Variants in UIMC1 observed in about 807,000 individuals in gnomAD.
UIMC1 encodes ubiquitin interaction motif containing 1.
UIMC1 carries 42 observed loss-of-function variants against 84.9 expected under a neutral mutation model. The observed-to-expected ratio is 0.49, with a 90% CI of 0.39 to 0.64. The LOEUF is 0.64. Among genes scored for constraint, UIMC1 ranks in the 30% least tolerant of loss-of-function variants. UIMC1 has a pLI of 0.00. For missense variants in UIMC1, 825 were observed against 847.6 expected (o/e 0.97, Z 0.33); for synonymous variants, 281 against 293.0 (o/e 0.96, Z 0.42).
At chr5:176,958,270 A>G (rs1328685563) in intron 6 of UIMC1, 116 bp from the exon 7 acceptor site, 2 of 810,864 alleles carry the variant, frequency 2.5e-6, no homozygotes, top group African/African-American at 1.7e-5. Flanking sequence ...CAATAAGAAG[A>G]AAATATTTTC....
At chr5:176,936,496 C>T (rs961509076) in intron 10 of UIMC1, among the ~76,000 whole-genome samples, 1 of 152,174 alleles carries the variant, frequency 6.6e-6, no homozygotes, top group African/African-American at 2.4e-5. Context: ...TGATCCTTTG[C>T]TTAAATATTA....
intron 1 of UIMC1, among the ~76,000 whole-genome samples, chr5:177,002,711 T>C (rs892888748): frequency 3.3e-5 from 5 of 152,028 alleles, no homozygotes; most frequent in African/African-American, 9.7e-5. Flanking sequence ...GGCAGGAGAA[T>C]GGCATGAACC....
chr5:176,988,373 A>G (rs1454434452), intron 1 of UIMC1, among the ~76,000 whole-genome samples: 2 of 152,140 alleles, frequency 1.3e-5, no homozygotes, highest in African/African-American at 4.8e-5. Context: ...TACATGCTAC[A>G]ACATGGATGA....
At chr5:176,916,416 G>A (rs1240885274) in intron 10 of UIMC1, among the ~76,000 whole-genome samples, 1 of 152,222 alleles carries the variant, frequency 6.6e-6, no homozygotes, top group Non-Finnish European at 1.5e-5. Context: ...GCTTGGCACT[G>A]TTAAGATACA....
chr5:176,924,908 G>T (rs1762188508), intron 10 of UIMC1, among the ~76,000 whole-genome samples: 1 of 151,740 alleles, frequency 6.6e-6, no homozygotes, highest in Non-Finnish European at 1.5e-5. Flanking sequence ...GCACACATCT[G>T]TAGTCTCAGC....
At chr5:177,010,015 A>T (rs187318038), upstream of UIMC1, among the ~76,000 whole-genome samples, 16 of 152,222 alleles carry the variant, frequency 1.1e-4, 1 homozygote, top group Admixed American at 9.2e-4. Flanking sequence ...AAATTTAAAA[A>T]TAAAAAATTA....
chr5:176,984,879 G>A (rs931072143), intron 1 of UIMC1, among the ~76,000 whole-genome samples: 4 of 152,184 alleles, frequency 2.6e-5, no homozygotes, highest in African/African-American at 9.7e-5. Flanking sequence ...TTGTTAAAAA[G>A]ATGCTTGAAG....
At chr5:177,001,776 A>G (rs966213361) in intron 1 of UIMC1, among the ~76,000 whole-genome samples, 3 of 133,442 alleles carry the variant, frequency 2.2e-5, no homozygotes, top group Admixed American at 7.5e-5. Context: ...CGGCTCTACT[A>G]AAAAAAAAAA....
intron 9 of UIMC1, among the ~76,000 whole-genome samples, chr5:176,948,278 T>G (rs1275982710): frequency 2.6e-5 from 4 of 152,242 alleles, no homozygotes; most frequent in Non-Finnish European, 5.9e-5. Context: ...CCATGGGTAC[T>G]TCCAAATACC....
chr5:177,007,160 G>A (rs181444380), upstream of UIMC1, among the ~76,000 whole-genome samples: 1 of 151,924 alleles, frequency 6.6e-6, no homozygotes, highest in Non-Finnish European at 1.5e-5. Context: ...GGTCAACATA[G>A]AGAAACCCCT....
At chr5:176,995,895 A>G (rs1328969825) in intron 1 of UIMC1, among the ~76,000 whole-genome samples, 1 of 152,042 alleles carries the variant, frequency 6.6e-6, no homozygotes, top group Non-Finnish European at 1.5e-5. Context: ...CACTTTGGAA[A>G]ACAGTTTGGG....
chr5:177,005,595 T>C (rs1418986253), intron 1 of UIMC1, among the ~76,000 whole-genome samples: 2 of 151,740 alleles, frequency 1.3e-5, no homozygotes, highest in African/African-American at 4.8e-5. Context: ...ATCACGATGT[T>C]CCACATGAGG....
At chr5:176,905,541 C>G (rs1315725173) in intron 14 of UIMC1, 49 bp from the exon 15 acceptor site, 1 of 1,547,590 alleles carries the variant, frequency 6.5e-7, no homozygotes, top group East Asian at 2.2e-5. Context: ...TACTAAGCAT[C>G]AAGGACATGC....
chr5:176,969,496 T>C (rs1768873168), intron 5 of UIMC1, 105 bp downstream of exon 5: 1 of 1,314,898 alleles, frequency 7.6e-7, no homozygotes, highest in Non-Finnish European at 1.1e-6. Flanking sequence ...TTCTTTATTA[T>C]CACCAAAAGG....
chr5:176,992,949 G>A, intron 1 of UIMC1, among the ~76,000 whole-genome samples: 1 of 152,162 alleles, frequency 6.6e-6, no homozygotes. Context: ...ACTTTGGGAG[G>A]CTGAGGCAGG....
rs1561704917 is a variant in UIMC1 at position 176,908,576 on chromosome 5, T to TTCCACTCCCTTCAGG, written c.1780_1794dup (p.Pro594_Gly598dup). On this transcript the variant is annotated inframe_insertion, in exon 12 of 15. Transcript: ENST00000511320. The stretch of plus-strand genomic sequence containing the variant: ...TTCCCCTCCACAGTTGAACATGCTC[T>TTCCACTCCCTTCAGG]TCCACTCCCTTCAGGTCCATCTCCT... 1.9e-6 allele frequency: 3 copies of TTCCACTCCCTTCAGG among 1,614,156 alleles called. No homozygotes were observed. The highest frequency in any genetic ancestry group is 2.5e-6 in the Non-Finnish European group (3 of 1,180,010).
upstream of UIMC1, among the ~76,000 whole-genome samples, chr5:177,010,503 T>C (rs1775522910): frequency 1.3e-5 from 2 of 152,070 alleles, no homozygotes. Flanking sequence ...CCCATAGGCC[T>C]AGGAAGATAC....
In UIMC1 at chr5:176,908,566, G is replaced by A. The variant is rs1278117384; in HGVS notation, c.1805C>T (p.Ser602Leu). 1 of 1,614,078 alleles carries A rather than the reference G, an allele frequency of 6.2e-7. No individual in the cohort carries two copies. Among genetic ancestry groups the A allele is most frequent in the South Asian group, 1.1e-5 (1 of 91,076 alleles). Reference protein sequence around the residue: ...DGPEGSGRACSTVEGKWQQRL... With the variant: ...DGPEGSGRACLTVEGKWQQRL... Reference sequence around the variant, plus strand: ...CTGCTGCCACTTCCCCTCCACAGTTGAACATGCTCTTCCACTCCCTTCAGG... The same window carrying A: ...CTGCTGCCACTTCCCCTCCACAGTTAAACATGCTCTTCCACTCCCTTCAGG... The change falls in exon 12 of 15, where the codon TCA becomes TTA. Residue 602 changes from serine to leucine, a missense_variant. By Grantham distance (145) the Ser-to-Leu change is moderately radical (BLOSUM62 -2). Transcript: ENST00000511320.
chr5:176,957,400 A>G (rs1454676352), intron 7 of UIMC1, among the ~76,000 whole-genome samples: 1 of 152,204 alleles, frequency 6.6e-6, no homozygotes, highest in Non-Finnish European at 1.5e-5. Context: ...TGGAAGCATG[A>G]TCCAGTTAAT....
Sources: gnomAD v4.1 joint callset for allele counts (sites outside exome capture counted in the v4.1 genomes callset) on GRCh38, gnomAD v4.1.1 for gene constraint, MANE v1.5 for transcripts, NCBI Gene and HGNC (gene_info 2026-07-23, HGNC 2026-07-21) for gene names.